The following GTF2B variants were observed in gnomAD, a reference collection of about 807,000 sequenced individuals.
GTF2B encodes the protein transcription initiation factor IIB.
Under a neutral mutation model 34.6 loss-of-function variants are expected in GTF2B, and 20 were observed. That is an observed-to-expected ratio of 0.58 (90% confidence interval 0.41 to 0.84). GTF2B has a LOEUF of 0.84. Among genes scored for constraint, GTF2B ranks in the 40% least tolerant of loss-of-function variants. The pLI is 0.00. For synonymous variants in GTF2B, 142 were observed against 132.4 expected, an observed-to-expected ratio of 1.07 and a Z score of -0.50; for missense variants, 237 against 393.3, an observed-to-expected ratio of 0.60 and a Z score of 3.36.
At chr1:88,856,451 C>A (rs879636198) in intron 6 of GTF2B, among the ~76,000 whole-genome samples, 321 of 136,626 alleles carry the variant, frequency 2.3e-3, no homozygotes, top group Non-Finnish European at 3.9e-3. Context: ...TGGGAAAAAA[C>A]CAACCTTCAC....
chr1:88,856,272 C>CAAAAACAA (rs1673303067), intron 6 of GTF2B, among the ~76,000 whole-genome samples: 1 of 50,028 alleles, frequency 2.0e-5, no homozygotes, highest in Non-Finnish European at 3.4e-5. Context: ...GTTTCAAAAA[C>CAAAAACAA]AAAAAAAAAA....
chr1:88,885,388 T>C (rs1328702090), intron 2 of GTF2B, among the ~76,000 whole-genome samples: 1 of 151,244 alleles, frequency 6.6e-6, no homozygotes, highest in African/African-American at 2.4e-5. Context: ...TGCAGTGAGC[T>C]GGGATCGCAC....
chr1:88,889,836 T>C (rs1467672963), intron 1 of GTF2B, among the ~76,000 whole-genome samples: 1 of 152,180 alleles, frequency 6.6e-6, no homozygotes, highest in African/African-American at 2.4e-5. Flanking sequence ...CTGGGCAATG[T>C]AACTAGGCCT....
intron 2 of GTF2B, among the ~76,000 whole-genome samples, chr1:88,873,938 G>C (rs747886448): frequency 6.6e-6 from 1 of 152,154 alleles, no homozygotes; most frequent in Non-Finnish European, 1.5e-5. Context: ...ACTAATGAAA[G>C]AATGGGGAAA....
chr1:88,877,705 G>C (rs192878731), intron 2 of GTF2B, among the ~76,000 whole-genome samples: 1 of 152,324 alleles, frequency 6.6e-6, no homozygotes, highest in East Asian at 1.9e-4. Context: ...GCCGAGGCAC[G>C]TGTATCACTT....
chr1:88,856,859 T>G (rs1459702398), intron 6 of GTF2B, among the ~76,000 whole-genome samples: 4 of 148,026 alleles, frequency 2.7e-5, no homozygotes, highest in Non-Finnish European at 5.9e-5. Flanking sequence ...TGGAGTGCAA[T>G]GGCACAATCT....
At position 88,859,985 on chromosome 1, in the gene GTF2B, T is replaced by C. The variant is rs1673398109; in HGVS notation, c.432A>G (p.Gln144=). ...IVDRTNNLFK[Q]VYEQKSLKGR... ...CCTTCAGGCTCTTCTGTTCATATAC[T>C]TGCTTGAATAAATTATTTGTTCGAT... Residue 144 remains glutamine (Q), a synonymous_variant, in exon 5 of 7, where the codon CAA becomes CAG. Coordinates refer to ENST00000370500, the MANE Select transcript of GTF2B (RefSeq NM_001514.6). 6 of 1,613,654 alleles carry C rather than the reference T, an allele frequency of 3.7e-6. No homozygotes were observed. In the Admixed American group the frequency reaches 8.3e-5, roughly 22 times the overall value.
intron 5 of GTF2B, chr1:88,858,588 G>A (rs1176864240): frequency 6.6e-6 from 1 of 152,098 alleles, no homozygotes; most frequent in African/African-American, 2.4e-5. Context: ...TTTAACAAAA[G>A]TTGTTTTAGT....
chr1:88,872,061 G>A (rs965969773), intron 2 of GTF2B, among the ~76,000 whole-genome samples: 3 of 152,060 alleles, frequency 2.0e-5, no homozygotes, highest in Non-Finnish European at 4.4e-5. Flanking sequence ...CTTCCTTTTT[G>A]TACCAAATGA....
chr1:88,880,910 G>A (rs1203038523), intron 2 of GTF2B, among the ~76,000 whole-genome samples: 3 of 151,390 alleles, frequency 2.0e-5, no homozygotes, highest in African/African-American at 7.3e-5. Context: ...TCGAGTGGCT[G>A]AGGCATGAGA....
Position 88,853,249 on chromosome 1 carries a change from T to C in GTF2B, c.915A>G (p.Lys305=). The C allele has an allele frequency of 6.2e-7, 1 of 1,613,738 alleles. No individual in the cohort carries two copies. The highest frequency in any genetic ancestry group is 8.5e-7 in the Non-Finnish European group (1 of 1,179,664). The change falls in exon 7 of 7, where the codon AAA becomes AAG. Residue 305 remains lysine (K), a synonymous_variant. Coordinates refer to ENST00000370500, the MANE Select transcript of GTF2B (RefSeq NM_001514.6). Reference sequence around the variant, plus strand: ...GTAGTTTGTCCACTGGGGTGTCAAATTTGAAGTCTGTAGGAAACAGATCTG... The same window carrying C: ...GTAGTTTGTCCACTGGGGTGTCAAACTTGAAGTCTGTAGGAAACAGATCTG... The part of the protein sequence containing the change: ...RAPDLFPTDF[K]FDTPVDKLPQ...
chr1:88,879,498 C>T (rs542977899), intron 2 of GTF2B, among the ~76,000 whole-genome samples: 1 of 151,292 alleles, frequency 6.6e-6, no homozygotes, highest in Non-Finnish European at 1.5e-5. Flanking sequence ...GCACGAGAAT[C>T]GCTTGTACCT....
chr1:88,879,981 C>G (rs987614245), intron 2 of GTF2B, among the ~76,000 whole-genome samples: 1 of 151,974 alleles, frequency 6.6e-6, no homozygotes, highest in Non-Finnish European at 1.5e-5. Context: ...ATTGCCTGAA[C>G]CCGGGAGGTG....
intron 2 of GTF2B, among the ~76,000 whole-genome samples, chr1:88,873,190 T>G (rs957573348): frequency 1.9e-4 from 27 of 141,230 alleles, no homozygotes; most frequent in African/African-American, 2.8e-4. Flanking sequence ...AAGTTTTTTT[T>G]TTTTTTTTTT....
intron 3 of GTF2B, among the ~76,000 whole-genome samples, chr1:88,863,376 C>T (rs970484163): frequency 2.6e-5 from 4 of 152,026 alleles, no homozygotes; most frequent in Non-Finnish European, 5.9e-5. Flanking sequence ...CAGAGTCTCA[C>T]TCTGTTGCCC....
chr1:88,885,716 C>G (rs1674051398), intron 2 of GTF2B, among the ~76,000 whole-genome samples: 1 of 152,204 alleles, frequency 6.6e-6, no homozygotes, highest in African/African-American at 2.4e-5. Flanking sequence ...CGCCATTGCA[C>G]TCCAGCCTGG....
At chr1:88,869,883 C>G (rs1239285134) in intron 2 of GTF2B, among the ~76,000 whole-genome samples, 1 of 151,334 alleles carries the variant, frequency 6.6e-6, no homozygotes, top group Non-Finnish European at 1.5e-5. Flanking sequence ...TCGGCCTCCC[C>G]AAGTGCTGGG....
intron 2 of GTF2B, among the ~76,000 whole-genome samples, chr1:88,876,168 C>T (rs183178305): frequency 6.6e-6 from 1 of 152,282 alleles, no homozygotes; most frequent in African/African-American, 2.4e-5. Flanking sequence ...AAAAACTTAA[C>T]TTGGCCATAT....
Position 88,853,306 on chromosome 1 carries a change from T to C in GTF2B, c.858A>G (p.Arg286=), listed in dbSNP as rs1261124975. ...GAGGATAGATCAGTCTATAGGACTG[T>C]CTGATTGTAACATCAGCAACACCAG... The part of the protein sequence containing the change: ...DIAGVADVTI[R]QSYRLIYPRA... Residue 286 remains arginine (R), a synonymous_variant, in exon 7 of 7, where the codon AGA becomes AGG. Transcript: ENST00000370500. The C allele has an allele frequency of 1.2e-6, 2 of 1,611,194 alleles. No individual in the cohort carries two copies. The highest frequency in any genetic ancestry group is 2.2e-5 in the East Asian group (1 of 44,866).
Sources: allele counts gnomAD v4.1 joint callset (sites outside exome capture counted in the v4.1 genomes callset), GRCh38; gene constraint gnomAD v4.1.1; transcripts MANE v1.5; gene names NCBI Gene and HGNC (gene_info 2026-07-23, HGNC 2026-07-21).